The following HFM1 variants were observed in gnomAD, a reference collection of about 807,000 sequenced individuals.
HFM1 encodes helicase for meiosis 1.
A neutral mutation model predicts 192.1 loss-of-function variants in HFM1; 169 were observed. The ratio of observed to expected loss-of-function variants is 0.88; its 90% confidence interval spans 0.78 to 1.00. The LOEUF is 1.00. HFM1 is among the 50% of genes least tolerant of loss of function. The pLI is 0.00. For missense variants in HFM1, 1,661 were observed against 1,668.0 expected, an observed-to-expected ratio of 1.00 and a Z score of 0.07; for synonymous variants, 525 against 537.8, an observed-to-expected ratio of 0.98 and a Z score of 0.33.
chr1:91,360,806 C>A (rs1304624071), intron 13 of HFM1, among the ~76,000 whole-genome samples: 1 of 152,174 alleles, frequency 6.6e-6, no homozygotes, highest in Non-Finnish European at 1.5e-5. Context: ...TAAAACACTT[C>A]TCAGCAAATG....
chr1:91,325,108 G>A (rs1031825314), intron 20 of HFM1, among the ~76,000 whole-genome samples: 3 of 152,140 alleles, frequency 2.0e-5, no homozygotes, highest in Non-Finnish European at 4.4e-5. Context: ...GCCAGAGGGG[G>A]AGCCTACTGC....
intron 20 of HFM1, among the ~76,000 whole-genome samples, chr1:91,336,997 G>A (rs1002391029): frequency 5.9e-5 from 9 of 152,148 alleles, no homozygotes; most frequent in African/African-American, 1.9e-4. Context: ...ACCAAGCACC[G>A]CATGTTCTCA....
chr1:91,387,984 A>C (rs1662463218), intron 4 of HFM1, among the ~76,000 whole-genome samples: 1 of 151,750 alleles, frequency 6.6e-6, no homozygotes, highest in South Asian at 2.1e-4. Context: ...AAGAAATAGA[A>C]CCTCCATTAA....
intron 13 of HFM1, among the ~76,000 whole-genome samples, chr1:91,365,224 A>C (rs780901284): frequency 1.8e-4 from 27 of 152,144 alleles, no homozygotes; most frequent in Non-Finnish European, 3.5e-4. Flanking sequence ...AGAAATGGGG[A>C]GATGTAGGTC....
At chr1:91,406,301 G>C (rs184949870), upstream of HFM1, among the ~76,000 whole-genome samples, 376 of 152,334 alleles carry the variant, frequency 2.5e-3, 5 homozygotes, top group Admixed American at 4.1e-3. Context: ...CTTGAACTAA[G>C]ATAGGGTTTG....
chr1:91,316,119 A>T lies in HFM1; in HGVS notation c.2964T>A (p.Tyr988Ter), dbSNP rs139727149. 2 of 1,588,824 alleles carry T rather than the reference A, an allele frequency of 1.3e-6. No homozygotes were observed. Among genetic ancestry groups the T allele is most frequent in the Non-Finnish European group, 1.7e-6 (2 of 1,161,858 alleles). Residue 988 changes from tyrosine to a stop codon, truncating the protein, a stop_gained, in exon 27 of 39, where the codon TAT becomes TAA. Coordinates refer to ENST00000370425, the MANE Select transcript of HFM1 (RefSeq NM_001017975.6). LOFTEE classifies it high-confidence loss of function. ...IKETVMYLPK[Y>*]ELKVEQITRY... ...TATTTACCTGTTCCACTTTAAGTTC[A>T]TATTTTGGTAGATACATCACAGTTT...
In HFM1 at chr1:91,323,119, G is replaced by A. The variant is rs377354571; in HGVS notation, c.2508C>T (p.Asn836=). 1 of 1,580,452 alleles carries A rather than the reference G, an allele frequency of 6.3e-7. No individual in the cohort carries two copies. The highest frequency in any genetic ancestry group is 1.7e-5 in the Admixed American group (1 of 57,896). Residue 836 remains asparagine (N), a synonymous_variant, in exon 22 of 39, where the codon AAC becomes AAT. Coordinates refer to ENST00000370425, the MANE Select transcript of HFM1 (RefSeq NM_001017975.6). ...TGATAGTTATCCGATTTGGATCTTT[G>A]TTCAAAGTATTCAGTGTTTTCTTTT... ...INEKKTLNTL[N]KDPNRITIRF...
chr1:91,382,915 GACT>G (rs1303328635), intron 6 of HFM1, among the ~76,000 whole-genome samples: 4 of 152,128 alleles, frequency 2.6e-5, no homozygotes, highest in African/African-American at 9.7e-5. Context: ...AAAATGACAA[GACT>G]ACTGTGGTAG....
At chr1:91,298,188 G>A (rs1015627478) in intron 30 of HFM1, among the ~76,000 whole-genome samples, 7 of 152,200 alleles carry the variant, frequency 4.6e-5, no homozygotes, top group Non-Finnish European at 1.0e-4. Flanking sequence ...AAGGGTATCA[G>A]GGATGGAAGA....
chr1:91,362,392 A>C (rs961394129), intron 13 of HFM1, among the ~76,000 whole-genome samples: 1 of 152,188 alleles, frequency 6.6e-6, no homozygotes, highest in African/African-American at 2.4e-5. Context: ...ATTCCTATAC[A>C]CCAACAACAG....
At chr1:91,324,557 T>C (rs1652598355) in intron 21 of HFM1, 118 bp downstream of exon 21, 1 of 613,766 alleles carries the variant, frequency 1.6e-6, no homozygotes, top group African/African-American at 1.9e-5. Context: ...ATCTTAGAAA[T>C]GCTTTCTTTT....
At chr1:91,395,831 A>G (rs556262000) in intron 3 of HFM1, among the ~76,000 whole-genome samples, 1 of 151,792 alleles carries the variant, frequency 6.6e-6, no homozygotes, top group South Asian at 2.1e-4. Flanking sequence ...ATATGTGATA[A>G]TTTGCCTAAC....
intron 13 of HFM1, among the ~76,000 whole-genome samples, chr1:91,364,628 A>ATTTTT (rs1407868515): frequency 8.9e-4 from 53 of 59,290 alleles, no homozygotes; most frequent in East Asian, 2.7e-3. Flanking sequence ...ATATATATAT[A>ATTTTT]TATATTTTTT....
At chr1:91,313,097 C>T (rs1481544832) in intron 30 of HFM1, among the ~76,000 whole-genome samples, 4 of 152,228 alleles carry the variant, frequency 2.6e-5, no homozygotes, top group Non-Finnish European at 4.4e-5. Flanking sequence ...ATGTCTTTAT[C>T]AGCAGCATGA....
chr1:91,387,461 A>G (rs1662359774), intron 4 of HFM1, among the ~76,000 whole-genome samples: 1 of 151,766 alleles, frequency 6.6e-6, no homozygotes, highest in East Asian at 1.9e-4. Flanking sequence ...GAAAATCAAG[A>G]TCAAGCGAGC....
chr1:91,289,479 C>T (rs1360097400), intron 30 of HFM1, among the ~76,000 whole-genome samples: 1 of 152,166 alleles, frequency 6.6e-6, no homozygotes, highest in Non-Finnish European at 1.5e-5. Context: ...GCAGAGGCTG[C>T]AATCTCGGCA....
intron 36 of HFM1, 51 bp from the exon 37 acceptor site, chr1:91,262,643 T>C (rs568761574): frequency 1.7e-6 from 2 of 1,150,278 alleles, no homozygotes; most frequent in East Asian, 5.0e-5. Context: ...AGAAAAACCA[T>C]TTTAATTTGG....
intron 25 of HFM1, among the ~76,000 whole-genome samples, chr1:91,316,825 A>T (rs1190996311): frequency 1.3e-5 from 2 of 152,182 alleles, no homozygotes; most frequent in Non-Finnish European, 2.9e-5. Context: ...TGATTCAAGG[A>T]TCATGCTTGA....
intron 2 of HFM1, among the ~76,000 whole-genome samples, chr1:91,400,516 C>G (rs1033338074): frequency 1.3e-5 from 2 of 148,492 alleles, no homozygotes; most frequent in South Asian, 2.1e-4. Context: ...GAGTTTCACT[C>G]TGTTGCTCTG....
Sources: gnomAD v4.1 joint callset for allele counts (sites outside exome capture counted in the v4.1 genomes callset) on GRCh38, gnomAD v4.1.1 for gene constraint, MANE v1.5 for transcripts, NCBI Gene and HGNC (gene_info 2026-07-23, HGNC 2026-07-21) for gene names.